LUZP1: variants seen among roughly 807,000 people sequenced by gnomAD.
LUZP1 encodes filamin mechanobinding actin cross-linking protein.
In LUZP1, 25 loss-of-function variants were observed where a neutral mutation model predicts 71.3. That is an observed-to-expected ratio of 0.35 (90% CI 0.26 to 0.49). The LOEUF is 0.49. Among genes scored for constraint, LUZP1 ranks in the 20% least tolerant of loss-of-function variants. The probability of loss-of-function intolerance (pLI) is 0.99; values close to 1 mark genes in which losing one functional copy is unlikely to be tolerated. For missense variants in LUZP1, 1,142 were observed against 1,300.8 expected, an observed-to-expected ratio of 0.88 and a Z score of 1.88; for synonymous variants, 481 against 506.4, an observed-to-expected ratio of 0.95 and a Z score of 0.67.
At chr1:23,086,399 C>G (rs961346708) in exon 5 of LUZP1, 65 of 152,766 alleles carry the variant, frequency 4.3e-4, no homozygotes, top group African/African-American at 1.5e-3. Context: ...ATGGCAGCCC[C>G]AGCAAAAGGG....
At chr1:23,163,964 T>C (rs938261344) in intron 2 of LUZP1, 3 of 152,202 alleles carry the variant, frequency 2.0e-5, no homozygotes, top group African/African-American at 7.2e-5. Flanking sequence ...TAGTCACTTC[T>C]GCAGCACAAA....
Position 23,094,510 on chromosome 1 carries a change from G to T in LUZP1, c.-119-130C>A. ...TAGCAGGGGCTCAAACCTGTTGAAT[G>T]AATGACTTGAATAAACCTGCAAGAA... On this transcript the variant is annotated intron_variant, in intron 3 of 4. Coordinates refer to ENST00000302291, the Ensembl canonical transcript of LUZP1. This position sits in a 1 kb window ranked among gnomAD's most constrained non-coding sequence, Gnocchi z 4.7. The T allele has an allele frequency of 2.2e-6, 1 of 449,292 alleles. No homozygotes were observed. Among genetic ancestry groups the T allele is most frequent in the Non-Finnish European group, 3.6e-6 (1 of 281,268 alleles). The allele number at this position is 449,292 out of a possible 1,614,324, so 27.8% of individuals were successfully genotyped here.
intron 2 of LUZP1, among the ~76,000 whole-genome samples, chr1:23,131,047 C>T (rs567011417): frequency 5.9e-5 from 9 of 151,712 alleles, no homozygotes; most frequent in Admixed American, 2.0e-4. Flanking sequence ...GGTGAAACTC[C>T]GTCTCTACTA....
chr1:23,170,505 C>T (rs1453946721), intron 1 of LUZP1, among the ~76,000 whole-genome samples: 1 of 119,276 alleles, frequency 8.4e-6, no homozygotes, highest in East Asian at 2.4e-4. Flanking sequence ...TCTCTCTTGT[C>T]GCCCAGGCTG....
intron 2 of LUZP1, among the ~76,000 whole-genome samples, chr1:23,141,478 T>C (rs1173716593): frequency 6.6e-6 from 1 of 152,012 alleles, no homozygotes; most frequent in Non-Finnish European, 1.5e-5. Context: ...CAGTGGCCAA[T>C]TGCAATGAGT....
chr1:23,151,530 G>A (rs1277649156), intron 2 of LUZP1, among the ~76,000 whole-genome samples: 1 of 152,084 alleles, frequency 6.6e-6, no homozygotes, highest in African/African-American at 2.4e-5. Context: ...GAAAGAACAT[G>A]GACTTTAAAG....
At chr1:23,085,283 C>A (rs951597366) in exon 5 of LUZP1, 6 of 152,614 alleles carry the variant, frequency 3.9e-5, no homozygotes, top group African/African-American at 1.4e-4. Context: ...GGGCTACTTT[C>A]TTAGCCCTCT....
rs142172364 is a variant in LUZP1, at chr1:23,108,599, T to C, written c.-120+423A>G. On this transcript the variant is annotated intron_variant, in intron 3 of 4. Coordinates refer to ENST00000302291, the Ensembl canonical transcript of LUZP1. ...TGGGCAATGGGAGCGAAACCCAGTCTCAGAAAAAAAGGAAAGAAAATAATG... is the reference window on the plus strand; with the variant it reads ...TGGGCAATGGGAGCGAAACCCAGTCCCAGAAAAAAAGGAAAGAAAATAATG... Among the ~76,000 whole-genome samples the C allele has an allele frequency of 1.0e-2, 1,518 of 152,140 alleles. 17 individuals carry two copies. Among genetic ancestry groups the C allele is most frequent in the Non-Finnish European group, 0.013 (894 of 67,990 alleles).
intron 2 of LUZP1, among the ~76,000 whole-genome samples, chr1:23,150,718 G>A (rs1256145602): frequency 6.6e-6 from 1 of 152,126 alleles, no homozygotes; most frequent in Non-Finnish European, 1.5e-5. Context: ...TGAGGGGAAT[G>A]AAGACAAACA....
chr1:23,084,719 C>T (rs1241102676), exon 5 of LUZP1: 3 of 79,032 alleles, frequency 3.8e-5, no homozygotes, highest in Admixed American at 1.1e-4. Context: ...AAGATGAAAA[C>T]GGAGAAGGCT....
intron 1 of LUZP1, among the ~76,000 whole-genome samples, chr1:23,176,137 C>T (rs1480064980): frequency 6.6e-6 from 1 of 150,576 alleles, no homozygotes; most frequent in Non-Finnish European, 1.5e-5. Context: ...TCTGGGCTCA[C>T]TGCAACCACC....
At chr1:23,112,674 G>GA (rs1644043328) in intron 2 of LUZP1, among the ~76,000 whole-genome samples, 1 of 152,234 alleles carries the variant, frequency 6.6e-6, no homozygotes, top group Admixed American at 6.5e-5. Context: ...AAAGTTGGAA[G>GA]AAAGGGCTGA....
At chr1:23,162,789 T>G (rs1205369553) in intron 2 of LUZP1, 1 of 152,190 alleles carries the variant, frequency 6.6e-6, no homozygotes, top group Admixed American at 6.5e-5. Context: ...ACATGCTAAT[T>G]CATAAAGCAG....
intron 2 of LUZP1, among the ~76,000 whole-genome samples, chr1:23,157,957 A>C (rs1317099491): frequency 6.6e-6 from 1 of 152,006 alleles, no homozygotes; most frequent in Non-Finnish European, 1.5e-5. Context: ...AGTTGTAGTG[A>C]GCTATTATTG....
At chr1:23,158,369 G>C (rs925309731) in intron 2 of LUZP1, among the ~76,000 whole-genome samples, 2 of 152,206 alleles carry the variant, frequency 1.3e-5, no homozygotes, top group African/African-American at 4.8e-5. Context: ...AGATGGGTTA[G>C]GCTAGGCGCA....
rs557450810 is a variant in LUZP1 at position 23,104,641 on chromosome 1, G to C, written c.-120+4381C>G. Among the ~76,000 whole-genome samples, 17 of 152,324 alleles carry C rather than the reference G, an allele frequency of 1.1e-4. No homozygotes were observed. The South Asian group carries it at 3.5e-3, about 32-fold the overall frequency. Reference sequence around the variant, plus strand: ...CATCCTCTGCTGGGCTCTGAGAGCAGGGACTGTGTTATCTTCATTTTTCAG... The same window carrying C: ...CATCCTCTGCTGGGCTCTGAGAGCACGGACTGTGTTATCTTCATTTTTCAG... On this transcript the variant is annotated intron_variant, in intron 3 of 4. Coordinates refer to ENST00000302291, the Ensembl canonical transcript of LUZP1.
intron 2 of LUZP1, among the ~76,000 whole-genome samples, chr1:23,161,521 A>G (rs1476910903): frequency 6.6e-6 from 1 of 152,188 alleles, no homozygotes; most frequent in Non-Finnish European, 1.5e-5. Context: ...GCTACTCTGG[A>G]GGCCAAAGGA....
At position 23,149,036 on chromosome 1, in the gene LUZP1, G is replaced by C. The variant is rs533400827; in HGVS notation, c.-226+19730C>G. ...GTCGAGGCTGCAGTGAGCCATGATG[G>C]CAACACTGTATTCCAGCCCAGGTGA... On this transcript the variant is annotated intron_variant, in intron 2 of 4. Transcript: ENST00000302291. 3.0e-4 allele frequency among the ~76,000 whole-genome samples: 39 copies of C among 128,696 alleles called. 1 individual carries two copies. In the South Asian group the frequency reaches 9.5e-3, roughly 31 times the overall value. 84.4% of individuals were successfully genotyped at this position (128,696 alleles called of 152,430 possible).
At chr1:23,149,541 ATGTC>A (rs1211704443) in intron 2 of LUZP1, among the ~76,000 whole-genome samples, 1 of 152,200 alleles carries the variant, frequency 6.6e-6, no homozygotes, top group African/African-American at 2.4e-5. Flanking sequence ...GGCTAGGAAA[ATGTC>A]TGAATATACA....
Sources: gnomAD v4.1 joint callset for allele counts (sites outside exome capture counted in the v4.1 genomes callset) on GRCh38, gnomAD v4.1.1 for gene constraint, Gnocchi (gnomAD v3.1) non-coding constraint, MANE v1.5 for transcripts, NCBI Gene and HGNC (gene_info 2026-07-23, HGNC 2026-07-21) for gene names.